The following VPS13A variants were observed in gnomAD, a reference collection of about 807,000 sequenced individuals.
The protein encoded by VPS13A is vacuolar protein sorting 13 homolog A, also known as intermembrane lipid transfer protein VPS13A.
VPS13A carries 264 observed loss-of-function variants against 390.9 expected under a neutral mutation model. The observed-to-expected ratio is 0.68, with a 90% CI of 0.61 to 0.75. The LOEUF (loss-of-function observed/expected upper bound fraction) is 0.75, where lower values mean the gene tolerates loss of function less well. VPS13A is among the 30% of genes least tolerant of loss of function. VPS13A has a pLI of 0.00. For missense variants in VPS13A, 3,409 were observed against 3,733.9 expected, an observed-to-expected ratio of 0.91 and a Z score of 2.27; for synonymous variants, 1,231 against 1,227.1, an observed-to-expected ratio of 1.00 and a Z score of -0.07.
intron 45 of VPS13A, among the ~76,000 whole-genome samples, chr9:77,330,759 A>G (rs921888327): frequency 4.6e-5 from 7 of 152,028 alleles, no homozygotes; most frequent in Admixed American, 4.6e-4. Context: ...AAATATAGAC[A>G]TTTAAAAATG....
In VPS13A at chr9:77,314,663, C is replaced by T. The variant is rs1193250444; in HGVS notation, c.4411C>T (p.Arg1471Ter). Residue 1471 changes from arginine (R) to a stop codon, truncating the protein, a stop_gained and splice_region_variant, in exon 37 of 72, where the codon CGA becomes TGA. Transcript: ENST00000360280. LOFTEE classifies it high-confidence loss of function. ...KRPHVKKATP[R>*]MIGLTVGFDK... ...ACCTCATGTCAAGAAAGCAACTCCT[C>T]GGTATGTATTGTAATGATGTTCTAA... 10 of 1,610,672 alleles carry T rather than the reference C, an allele frequency of 6.2e-6. No individual in the cohort carries two copies. The East Asian group carries it at 1.1e-4, about 18-fold the overall frequency.
intron 3 of VPS13A, among the ~76,000 whole-genome samples, chr9:77,202,313 A>G (rs1037151580): frequency 2.6e-5 from 4 of 152,120 alleles, no homozygotes; most frequent in African/African-American, 9.7e-5. Context: ...ACCCATTTTT[A>G]TCTACCTAAC....
rs750344038 is a variant in VPS13A, at chr9:77,201,420, C to T, written c.187+13C>T. On this transcript the variant is annotated intron_variant, in intron 3 of 71. Coordinates refer to ENST00000360280, the MANE Select transcript of VPS13A (RefSeq NM_033305.3). Reference sequence around the variant, plus strand: ...GTTGGTCACATAGGTAAGCCATATTCATTATTGGGATATCCTCCTTCCTGG... The same window carrying T: ...GTTGGTCACATAGGTAAGCCATATTTATTATTGGGATATCCTCCTTCCTGG... 6.2e-7 allele frequency: 1 copy of T among 1,604,732 alleles called. No individual in the cohort carries two copies. The highest frequency in any genetic ancestry group is 8.5e-7 in the Non-Finnish European group (1 of 1,171,968).
At chr9:77,265,500 C>A (rs564102113) in intron 23 of VPS13A, among the ~76,000 whole-genome samples, 1 of 152,020 alleles carries the variant, frequency 6.6e-6, no homozygotes, top group Non-Finnish European at 1.5e-5. Flanking sequence ...TTCAGGGATT[C>A]GACTTCTTCC....
rs1412096065 is a variant in VPS13A, at chr9:77,221,231, A to C, written c.1036A>C (p.Arg346=). Residue 346 remains arginine (R), a synonymous_variant, in exon 13 of 72, where the codon AGG becomes CGG. Transcript: ENST00000360280. The part of the protein sequence containing the change: ...HGVLEVNVCP[R]LWMWSWKHIR... Reference sequence around the variant, plus strand: ...CGTTCTTGAAGTAAATGTTTGCCCCAGGTTATGGATGTGGTCATGGAAGCA... The same window carrying C: ...CGTTCTTGAAGTAAATGTTTGCCCCCGGTTATGGATGTGGTCATGGAAGCA... 5 of 1,613,554 alleles carry C rather than the reference A, an allele frequency of 3.1e-6. No individual in the cohort carries two copies. Among genetic ancestry groups the C allele is most frequent in the Non-Finnish European group, 4.2e-6 (5 of 1,179,612 alleles).
chr9:77,343,686 A>G (rs1389552798), intron 50 of VPS13A, among the ~76,000 whole-genome samples: 2 of 151,918 alleles, frequency 1.3e-5, no homozygotes, highest in East Asian at 3.9e-4. Context: ...TTACTTTTTT[A>G]CCCTTATTTG....
At chr9:77,325,631 G>C (rs141930639) in intron 45 of VPS13A, among the ~76,000 whole-genome samples, 1 of 150,390 alleles carries the variant, frequency 6.6e-6, no homozygotes, top group Admixed American at 6.6e-5. Flanking sequence ...TGGCTTATTG[G>C]CTGTATCTCT....
At chr9:77,295,875 G>A in intron 33 of VPS13A, 29 bp downstream of exon 33, 1 of 1,607,576 alleles carries the variant, frequency 6.2e-7, no homozygotes, top group Non-Finnish European at 8.5e-7. Context: ...TATTTGTGTG[G>A]AATGCAATAT....
At chr9:77,370,752 A>T in intron 65 of VPS13A, 138 bp from the exon 66 acceptor site, 1 of 1,396,070 alleles carries the variant, frequency 7.2e-7, no homozygotes, top group Non-Finnish European at 9.9e-7. Flanking sequence ...CATTCTGTTT[A>T]AATAAAATAC....
intron 1 of VPS13A, among the ~76,000 whole-genome samples, chr9:77,196,062 A>G (rs1275543004): frequency 6.6e-6 from 1 of 151,984 alleles, no homozygotes; most frequent in Non-Finnish European, 1.5e-5. Context: ...CCCGTTTCTT[A>G]TTTAAGAGTG....
chr9:77,293,974 G>A (rs1478825633), intron 32 of VPS13A, among the ~76,000 whole-genome samples: 1 of 152,124 alleles, frequency 6.6e-6, no homozygotes, highest in Non-Finnish European at 1.5e-5. Context: ...CATGATCGTA[G>A]CTCATTGTAA....
At chr9:77,415,902 T>G in intron 71 of VPS13A, 54 bp from the exon 72 acceptor site, 1 of 1,600,288 alleles carries the variant, frequency 6.2e-7, no homozygotes, top group Non-Finnish European at 8.6e-7. Flanking sequence ...TTACATTTTG[T>G]TTCATTACAA....
chr9:77,179,127 G>A (rs1025213965), intron 1 of VPS13A, among the ~76,000 whole-genome samples: 4 of 152,190 alleles, frequency 2.6e-5, no homozygotes, highest in African/African-American at 9.6e-5. Context: ...TCAGAAGGAA[G>A]CCTTAAGAAT....
At chr9:77,365,832 A>G (rs1284258336) in intron 60 of VPS13A, among the ~76,000 whole-genome samples, 3 of 152,036 alleles carry the variant, frequency 2.0e-5, no homozygotes, top group African/African-American at 4.8e-5. Context: ...TTAGGTGACA[A>G]TTTTCAAAAT....
intron 71 of VPS13A, among the ~76,000 whole-genome samples, chr9:77,413,925 T>C (rs924674242): frequency 2.0e-5 from 3 of 151,972 alleles, no homozygotes; most frequent in African/African-American, 7.3e-5. Context: ...AAAAAGTGGG[T>C]GAAGGATATG....
chr9:77,348,157 T>C (rs557041843), intron 52 of VPS13A, among the ~76,000 whole-genome samples: 1 of 152,116 alleles, frequency 6.6e-6, no homozygotes, highest in Non-Finnish European at 1.5e-5. Flanking sequence ...CATTCTCTTA[T>C]AAAGATAGAT....
intron 34 of VPS13A, among the ~76,000 whole-genome samples, chr9:77,303,426 A>G (rs1295948964): frequency 4.6e-5 from 7 of 152,128 alleles, no homozygotes; most frequent in African/African-American, 1.7e-4. Flanking sequence ...AATGAAGTGA[A>G]GGGGTGGCCT....
At chr9:77,264,113 G>A (rs998261523) in intron 23 of VPS13A, among the ~76,000 whole-genome samples, 1 of 152,088 alleles carries the variant, frequency 6.6e-6, no homozygotes, top group Non-Finnish European at 1.5e-5. Context: ...TAGATGTGTG[G>A]TGTTATTTCT....
In VPS13A at chr9:77,403,289, C is replaced by CA; in HGVS notation, c.9245dup (p.Asn3082LysfsTer2). 6.2e-7 allele frequency: 1 copy of CA among 1,612,232 alleles called. No individual in the cohort carries two copies. The highest frequency in any genetic ancestry group is 1.3e-5 in the African/African-American group (1 of 75,006). On this transcript the variant is annotated frameshift_variant, in exon 69 of 72. Transcript: ENST00000360280. LOFTEE classifies it high-confidence loss of function. ...ACAAATATTTTACCCATGTCATGAT[C>CA]AATAAGACAGATATGCTAATGATAA... is the stretch of plus-strand genomic sequence containing the variant.
Sources: allele counts gnomAD v4.1 joint callset (sites outside exome capture counted in the v4.1 genomes callset), GRCh38; gene constraint gnomAD v4.1.1; transcripts MANE v1.5; gene names NCBI Gene and HGNC (gene_info 2026-07-23, HGNC 2026-07-21).